KIF6: variants seen among roughly 807,000 people sequenced by gnomAD.
KIF6 encodes the protein kinesin-like protein KIF6.
A neutral mutation model predicts 112.7 loss-of-function variants in KIF6; 106 were observed. The ratio of observed to expected loss-of-function variants is 0.94; its 90% CI spans 0.80 to 1.11. The LOEUF (loss-of-function observed/expected upper bound fraction) is 1.11. Among genes scored for constraint, KIF6 ranks in the 50% least tolerant of loss-of-function variants. KIF6 has a pLI of 0.00. For missense variants in KIF6, 929 were observed against 964.0 expected, an observed-to-expected ratio of 0.96 and a Z score of 0.48; for synonymous variants, 339 against 339.9, an observed-to-expected ratio of 1.00 and a Z score of 0.03.
chr6:39,721,278 T>C (rs1185281646), intron 1 of KIF6, among the ~76,000 whole-genome samples: 1 of 152,212 alleles, frequency 6.6e-6, no homozygotes, highest in East Asian at 1.9e-4. Flanking sequence ...TAATTCAAGT[T>C]ATGTTCAAAG....
At position 39,378,951 on chromosome 6, in the gene KIF6, G is replaced by A. The variant is rs1429192823; in HGVS notation, c.1861+6671C>T. 4.6e-5 allele frequency among the ~76,000 whole-genome samples: 7 copies of A among 152,158 alleles called. No homozygotes were observed. Among genetic ancestry groups the A allele is most frequent in the Non-Finnish European group, 8.8e-5 (6 of 68,028 alleles). ...TTCAGTGAGCTATGCTTTAATGTCA[G>A]GCCTCTAGCTTTTATAGAGGGTCGA... On this transcript the variant is annotated intron_variant, in intron 16 of 22. Coordinates refer to ENST00000287152, the MANE Select transcript of KIF6 (RefSeq NM_145027.6). This position sits in a 1 kb window ranked among gnomAD's most constrained non-coding sequence, Gnocchi z 5.0.
At chr6:39,688,569 GGAGAAAAGAAT>G (rs1177341132) in intron 3 of KIF6, among the ~76,000 whole-genome samples, 1 of 151,992 alleles carries the variant, frequency 6.6e-6, no homozygotes, top group Non-Finnish European at 1.5e-5. Context: ...TTGTGGCCCA[GGAGAAAAGAAT>G]GAGAAAAGAA....
intron 3 of KIF6, among the ~76,000 whole-genome samples, chr6:39,712,161 T>C (rs947361630): frequency 3.3e-5 from 5 of 152,012 alleles, no homozygotes; most frequent in Non-Finnish European, 7.4e-5. Flanking sequence ...TTAAAGTAAC[T>C]AATTAAAGAT....
chr6:39,369,697 G>A (rs1237267404), intron 16 of KIF6, among the ~76,000 whole-genome samples: 5 of 152,122 alleles, frequency 3.3e-5, no homozygotes, highest in South Asian at 2.1e-4. Flanking sequence ...GAGGGTCAGC[G>A]TGTACTAGGG....
chr6:39,560,464 T>G (rs950854526), intron 10 of KIF6, among the ~76,000 whole-genome samples: 5 of 152,168 alleles, frequency 3.3e-5, no homozygotes, highest in African/African-American at 1.2e-4. Context: ...TACGCATCTT[T>G]AAAATAAGGA....
intron 10 of KIF6, among the ~76,000 whole-genome samples, chr6:39,568,712 G>A (rs528786601): frequency 2.2e-4 from 34 of 151,838 alleles, no homozygotes; most frequent in Admixed American, 2.0e-3. Context: ...CATCATGCCC[G>A]GCTAATTTTT....
chr6:39,461,770 G>C (rs6909965), intron 13 of KIF6, among the ~76,000 whole-genome samples: 45,941 of 151,864 alleles, frequency 0.3, 8,748 homozygotes, highest in African/African-American at 0.54. Flanking sequence ...AAACTGAGTA[G>C]TAAAAAATTA....
chr6:39,539,560 G>T (rs1778662000), intron 13 of KIF6, among the ~76,000 whole-genome samples: 1 of 152,134 alleles, frequency 6.6e-6, no homozygotes, highest in Non-Finnish European at 1.5e-5. Context: ...GGCCAGGCTG[G>T]TCTTGAACTC....
intron 3 of KIF6, among the ~76,000 whole-genome samples, chr6:39,705,069 T>A (rs143827022): frequency 2.2e-4 from 34 of 152,298 alleles, no homozygotes; most frequent in African/African-American, 7.5e-4. Flanking sequence ...TTAGAGCACA[T>A]CTTGGATCTC....
At chr6:39,506,024 A>C (rs1026715810) in intron 13 of KIF6, among the ~76,000 whole-genome samples, 1 of 152,232 alleles carries the variant, frequency 6.6e-6, no homozygotes, top group Non-Finnish European at 1.5e-5. Flanking sequence ...AAGGAATATA[A>C]ATCATTATAT....
chr6:39,468,866 A>T (rs753013434), intron 13 of KIF6, among the ~76,000 whole-genome samples: 10 of 152,060 alleles, frequency 6.6e-5, no homozygotes, highest in Non-Finnish European at 1.3e-4. Context: ...AAGCAATTGT[A>T]TCAAATAGTA....
intron 3 of KIF6, among the ~76,000 whole-genome samples, chr6:39,707,612 G>A (rs1298330286): frequency 1.3e-5 from 2 of 152,200 alleles, no homozygotes; most frequent in East Asian, 1.9e-4. Flanking sequence ...TGTATATGAC[G>A]TCCAGAGTCT....
At chr6:39,488,099 T>A (rs1775241204) in intron 13 of KIF6, among the ~76,000 whole-genome samples, 1 of 152,090 alleles carries the variant, frequency 6.6e-6, no homozygotes, top group African/African-American at 2.4e-5. Flanking sequence ...TAATTTCTAT[T>A]ATATTTCATT....
At chr6:39,473,166 G>T (rs1196223690) in intron 13 of KIF6, among the ~76,000 whole-genome samples, 1 of 151,890 alleles carries the variant, frequency 6.6e-6, no homozygotes, top group East Asian at 1.9e-4. Flanking sequence ...GATTACAGGC[G>T]TGAGCCACAG....
chr6:39,564,300 A>G (rs1780166327), intron 10 of KIF6, among the ~76,000 whole-genome samples: 1 of 152,240 alleles, frequency 6.6e-6, no homozygotes, highest in Admixed American at 6.5e-5. Context: ...AAAAGTCGTA[A>G]GTATGCTCAG....
intron 13 of KIF6, among the ~76,000 whole-genome samples, chr6:39,528,526 C>A (rs1050870086): frequency 6.6e-6 from 1 of 152,144 alleles, no homozygotes; most frequent in African/African-American, 2.4e-5. Flanking sequence ...AATTCTATTT[C>A]TAGTTTTTCT....
At chr6:39,669,105 G>A (rs548697761) in intron 3 of KIF6, among the ~76,000 whole-genome samples, 3 of 152,184 alleles carry the variant, frequency 2.0e-5, no homozygotes, top group Admixed American at 6.5e-5. Context: ...TAAAGTGTTC[G>A]CTTAGATATC....
chr6:39,688,483 GAT>G (rs1209523724), intron 3 of KIF6, among the ~76,000 whole-genome samples: 2 of 152,126 alleles, frequency 1.3e-5, no homozygotes, highest in Non-Finnish European at 2.9e-5. Flanking sequence ...AATGCACCGA[GAT>G]AGAAGTTCAC....
intron 13 of KIF6, among the ~76,000 whole-genome samples, chr6:39,489,765 A>T (rs1393667081): frequency 1.3e-5 from 2 of 152,228 alleles, no homozygotes; most frequent in African/African-American, 4.8e-5. Flanking sequence ...ACTCGATACA[A>T]ACCTACAGGC....
Sources: gnomAD v4.1 joint callset for allele counts (sites outside exome capture counted in the v4.1 genomes callset) on GRCh38, gnomAD v4.1.1 for gene constraint, Gnocchi (gnomAD v3.1) non-coding constraint, MANE v1.5 for transcripts, NCBI Gene and HGNC (gene_info 2026-07-23, HGNC 2026-07-21) for gene names.